CFAP46: variants seen among roughly 807,000 people sequenced by gnomAD.
The protein encoded by CFAP46 is cilia and flagella associated protein 46.
In CFAP46, 245 loss-of-function variants were observed where a neutral mutation model predicts 325.7. The ratio of observed to expected loss-of-function variants is 0.75; its 90% CI spans 0.68 to 0.84. The LOEUF (loss-of-function observed/expected upper bound fraction) is 0.84, where lower values mean the gene tolerates loss of function less well. CFAP46 is among the 40% of genes least tolerant of loss of function. The pLI is 0.00. For missense variants in CFAP46, 3,346 were observed against 3,543.0 expected (o/e 0.94, Z 1.41); for synonymous variants, 1,523 against 1,495.9 (o/e 1.02, Z -0.42).
At chr10:132,901,003 G>A (rs1046943293) in intron 22 of CFAP46, among the ~76,000 whole-genome samples, 3 of 152,316 alleles carry the variant, frequency 2.0e-5, no homozygotes, top group East Asian at 1.9e-4. Flanking sequence ...TGTCTACCTC[G>A]GATCGCGTGC....
chr10:132,875,319 A>G (rs769721644), intron 31 of CFAP46, among the ~76,000 whole-genome samples: 8 of 152,350 alleles, frequency 5.3e-5, no homozygotes, highest in Admixed American at 1.3e-4. Flanking sequence ...GTTCTCCATA[A>G]AGTAATTTAC....
intron 50 of CFAP46, among the ~76,000 whole-genome samples, chr10:132,822,122 CACTTGTGTGTGCTG>C (rs1847860653): frequency 1.8e-5 from 2 of 110,958 alleles, no homozygotes; most frequent in African/African-American, 7.5e-5. Context: ...GCTGTGTGTG[CACTTGTGTGTGCTG>C]TGTGTGTGCT....
At chr10:132,818,801 C>A (rs1465016928) in intron 50 of CFAP46, among the ~76,000 whole-genome samples, 1 of 151,334 alleles carries the variant, frequency 6.6e-6, no homozygotes, top group Non-Finnish European at 1.5e-5. Flanking sequence ...TTGCAGTGAG[C>A]CGAGATTGCG....
chr10:132,822,762 G>A (rs1230796207), intron 50 of CFAP46, among the ~76,000 whole-genome samples: 4 of 97,080 alleles, frequency 4.1e-5, no homozygotes, highest in Non-Finnish European at 7.1e-5. Flanking sequence ...TGTGAGTGCT[G>A]ATGTGTGCTG....
intron 11 of CFAP46, among the ~76,000 whole-genome samples, chr10:132,924,218 G>T (rs796318069): frequency 6.6e-6 from 1 of 150,926 alleles, no homozygotes; most frequent in Non-Finnish European, 1.5e-5. Flanking sequence ...TGCCTGCCAT[G>T]GTCCACCCTG....
chr10:132,924,541 G>A (rs4075502), intron 11 of CFAP46, among the ~76,000 whole-genome samples, 155 bp downstream of exon 11: 12 of 152,190 alleles, frequency 7.9e-5, no homozygotes, highest in African/African-American at 2.6e-4. Context: ...TGCCTGGCCC[G>A]GAGCTGGGAC....
chr10:132,934,741 C>T lies in CFAP46; in HGVS notation c.866+11G>A, dbSNP rs747650206. 6.6e-7 allele frequency: 1 copy of T among 1,521,728 alleles called. No homozygotes were observed. The highest frequency in any genetic ancestry group is 2.3e-5 in the East Asian group (1 of 44,370). The allele number at this position is 1,521,728 out of a possible 1,614,324, so 94.3% of individuals were successfully genotyped here. On this transcript the variant is annotated intron_variant, in intron 8 of 57. Transcript: ENST00000368586. ...ATGAAGATGTGATATTGGAAAAATACAAACACTTACTTTTCTTCACTGATA... is the reference window on the plus strand; with the variant it reads ...ATGAAGATGTGATATTGGAAAAATATAAACACTTACTTTTCTTCACTGATA...
chr10:132,855,715 A>G (rs1282565963), intron 39 of CFAP46, among the ~76,000 whole-genome samples: 1 of 152,076 alleles, frequency 6.6e-6, no homozygotes, highest in African/African-American at 2.4e-5. Flanking sequence ...CTGTTTTGGT[A>G]TGTAGTGTAT....
At chr10:132,936,889 G>A in intron 7 of CFAP46, 72 bp downstream of exon 7, 1 of 858,534 alleles carries the variant, frequency 1.2e-6, no homozygotes, top group South Asian at 3.1e-5. Flanking sequence ...TCCCCCCATG[G>A]AGGGGACAGA....
intron 9 of CFAP46, among the ~76,000 whole-genome samples, chr10:132,927,648 A>G (rs1213213959): frequency 6.6e-6 from 1 of 152,184 alleles, no homozygotes; most frequent in Non-Finnish European, 1.5e-5. Context: ...CGTGCTTCCC[A>G]CACGTTCACG....
intron 50 of CFAP46, among the ~76,000 whole-genome samples, chr10:132,825,080 CTGA>C (rs779507811): frequency 9.4e-4 from 121 of 129,026 alleles, no homozygotes; most frequent in South Asian, 3.0e-3. Context: ...TGTGTGTGCG[CTGA>C]TGTGTGCTGT....
chr10:132,909,831 T>A (rs545063305), intron 20 of CFAP46, 88 bp downstream of exon 20: 1 of 1,248,240 alleles, frequency 8.0e-7, no homozygotes, highest in Non-Finnish European at 1.0e-6. Context: ...AGCTAAGTGG[T>A]CCCGGGGGCC....
intron 35 of CFAP46, among the ~76,000 whole-genome samples, chr10:132,864,389 C>A (rs1397283838): frequency 8.8e-6 from 1 of 114,004 alleles, no homozygotes; most frequent in Admixed American, 8.7e-5. Context: ...CTGAGACCTG[C>A]ACACACCTGT....
Position 132,884,714 on chromosome 10 carries a change from T to A in CFAP46, c.3627+389A>T, listed in dbSNP as rs893032772. On this transcript the variant is annotated intron_variant, in intron 27 of 57. Coordinates refer to ENST00000368586, the MANE Select transcript of CFAP46 (RefSeq NM_001200049.3). This position sits in a 1 kb window ranked among gnomAD's most constrained non-coding sequence, Gnocchi z 5.4. ...ATCCCAGGGCCCTGCAGAGCCCTGCTCTCCTGTGCAGCCACCCGCCCATCG... is the reference window on the plus strand; with the variant it reads ...ATCCCAGGGCCCTGCAGAGCCCTGCACTCCTGTGCAGCCACCCGCCCATCG... Among the ~76,000 whole-genome samples the A allele has an allele frequency of 2.0e-5, 3 of 151,948 alleles. No homozygotes were observed. Among genetic ancestry groups the A allele is most frequent in the African/African-American group, 7.3e-5 (3 of 41,348 alleles).
chr10:132,867,883 C>T (rs934679186), intron 33 of CFAP46, among the ~76,000 whole-genome samples: 3 of 152,258 alleles, frequency 2.0e-5, no homozygotes, highest in Non-Finnish European at 2.9e-5. Context: ...CCCGCTCGGC[C>T]TTCCCACGGG....
intron 8 of CFAP46, among the ~76,000 whole-genome samples, chr10:132,934,468 G>A (rs990660417): frequency 7.9e-5 from 12 of 152,168 alleles, no homozygotes; most frequent in African/African-American, 2.7e-4. Flanking sequence ...CCCATGGAAC[G>A]CCACGCAGCC....
intron 28 of CFAP46, 59 bp from the exon 29 acceptor site, chr10:132,879,690 GGCCACTCCCTTCCCT>G: frequency 1.4e-6 from 2 of 1,426,264 alleles, no homozygotes; most frequent in Non-Finnish European, 1.8e-6. Context: ...GTGGGCCCCA[GGCCACTCCCTTCCCT>G]GCCCGAGGCT....
Position 132,847,449 on chromosome 10 carries a change from G to A in CFAP46, c.5953-128C>T. The A allele has an allele frequency of 9.4e-7, 1 of 1,058,808 alleles. No individual in the cohort carries two copies. The allele number at this position is 1,058,808 out of a possible 1,614,324, so 65.6% of individuals were successfully genotyped here. On this transcript the variant is annotated intron_variant, in intron 41 of 57. Coordinates refer to ENST00000368586, the MANE Select transcript of CFAP46 (RefSeq NM_001200049.3). This position sits in a 1 kb window ranked among gnomAD's most constrained non-coding sequence, Gnocchi z 5.2. ...GGTCCCCGGGTAGGGGGTACCGCAG[G>A]CCACAGCATGGCCTCTCACTATCCC...
intron 10 of CFAP46, among the ~76,000 whole-genome samples, chr10:132,926,303 A>T (rs1849809292): frequency 6.6e-6 from 1 of 152,174 alleles, no homozygotes; most frequent in Non-Finnish European, 1.5e-5. Context: ...GGGCTGCAGG[A>T]GGAGGGTCAG....
Sources: gnomAD v4.1 joint callset for allele counts (sites outside exome capture counted in the v4.1 genomes callset) on GRCh38, gnomAD v4.1.1 for gene constraint, Gnocchi (gnomAD v3.1) non-coding constraint, MANE v1.5 for transcripts, NCBI Gene and HGNC (gene_info 2026-07-23, HGNC 2026-07-21) for gene names.